SCHIP1: variants seen among roughly 807,000 people sequenced by gnomAD.
SCHIP1 encodes the protein schwannomin interacting protein 1.
Under a neutral mutation model 29.7 loss-of-function variants are expected in SCHIP1, and 8 were observed. The ratio of observed to expected loss-of-function variants is 0.27; its 90% CI spans 0.16 to 0.49. SCHIP1 has a LOEUF of 0.49. SCHIP1 is among the 20% of genes least tolerant of loss of function. SCHIP1 has a pLI of 0.99. For synonymous variants in SCHIP1, 76 were observed against 94.9 expected (o/e 0.80, Z 1.16); for missense variants, 193 against 294.6 (o/e 0.66, Z 2.52).
chr3:159,774,577 T>C, the SCHIP1 span, among the ~76,000 whole-genome samples: 1 of 152,204 alleles, frequency 6.6e-6, no homozygotes, highest in Non-Finnish European at 1.5e-5. Flanking sequence ...TTTCCTACTC[T>C]TGGGGTATAT....
the SCHIP1 span, among the ~76,000 whole-genome samples, chr3:159,513,743 G>A: frequency 6.6e-6 from 1 of 152,198 alleles, no homozygotes; most frequent in Non-Finnish European, 1.5e-5. Flanking sequence ...TGTTTCCACA[G>A]CTGATGCTGA....
chr3:159,374,210 A>T, the SCHIP1 span, among the ~76,000 whole-genome samples: 1 of 152,268 alleles, frequency 6.6e-6, no homozygotes, highest in African/African-American at 2.4e-5. Flanking sequence ...CTTGATTTCC[A>T]GCTTTAAGTA....
the SCHIP1 span, among the ~76,000 whole-genome samples, chr3:159,456,293 G>T: frequency 6.6e-6 from 1 of 150,894 alleles, no homozygotes; most frequent in African/African-American, 2.4e-5. Flanking sequence ...AAGCATTTCT[G>T]TGTCTTTTCT....
chr3:159,802,601 T>C, the SCHIP1 span, among the ~76,000 whole-genome samples: 1 of 152,176 alleles, frequency 6.6e-6, no homozygotes, highest in African/African-American at 2.4e-5. Flanking sequence ...TGTTATACTG[T>C]GGGTGGAATT....
chr3:159,418,226 A>T, the SCHIP1 span, among the ~76,000 whole-genome samples: 1 of 152,212 alleles, frequency 6.6e-6, no homozygotes, highest in Non-Finnish European at 1.5e-5. Flanking sequence ...GCTCTGATTT[A>T]GTTAATTCAT....
the SCHIP1 span, among the ~76,000 whole-genome samples, chr3:159,425,922 T>A: frequency 2.6e-5 from 4 of 152,202 alleles, no homozygotes; most frequent in African/African-American, 9.6e-5. Context: ...GGAAGCTGAA[T>A]AACCTGCTCC....
chr3:159,631,166 TA>T, the SCHIP1 span, among the ~76,000 whole-genome samples: 37 of 144,574 alleles, frequency 2.6e-4, no homozygotes, highest in Admixed American at 9.7e-4. Flanking sequence ...TACTAAAACT[TA>T]AAAAAAAAAA....
chr3:159,472,490 C>T, the SCHIP1 span, among the ~76,000 whole-genome samples: 394 of 152,258 alleles, frequency 2.6e-3, 3 homozygotes, highest in Admixed American at 7.9e-3. Flanking sequence ...ACCTCTTATG[C>T]TATATTGCCT....
chr3:159,802,687 G>T, the SCHIP1 span, among the ~76,000 whole-genome samples: 1 of 152,204 alleles, frequency 6.6e-6, no homozygotes, highest in African/African-American at 2.4e-5. Flanking sequence ...TTTGTAAGTG[G>T]CTTGTCGTGA....
At chr3:159,430,084 G>T in the SCHIP1 span, among the ~76,000 whole-genome samples, 1 of 152,112 alleles carries the variant, frequency 6.6e-6, no homozygotes, top group Non-Finnish European at 1.5e-5. Flanking sequence ...TTTAGAAAAG[G>T]ATGCATAGGT....
At chr3:159,836,863 G>C (rs1560075357), upstream of SCHIP1, among the ~76,000 whole-genome samples, 1 of 152,202 alleles carries the variant, frequency 6.6e-6, no homozygotes. Flanking sequence ...GCTGGTTTCT[G>C]TTTAAAGTTT....
the SCHIP1 span, among the ~76,000 whole-genome samples, chr3:159,391,787 C>T: frequency 6.6e-6 from 1 of 152,188 alleles, no homozygotes; most frequent in African/African-American, 2.4e-5. Flanking sequence ...TCTTAACAAC[C>T]ATTAAAGTCA....
chr3:159,839,930 C>T, exon 1 of SCHIP1: 1 of 1,407,178 alleles, frequency 7.1e-7, no homozygotes. Flanking sequence ...CAGCCCGGTC[C>T]CAGCTCCATG....
At chr3:159,817,333 G>A in the SCHIP1 span, among the ~76,000 whole-genome samples, 2 of 152,106 alleles carry the variant, frequency 1.3e-5, no homozygotes, top group Non-Finnish European at 2.9e-5. Context: ...TGGCGGGGTC[G>A]AGGAGAGGTG....
the SCHIP1 span, among the ~76,000 whole-genome samples, chr3:159,608,311 C>T: frequency 4.6e-5 from 7 of 152,200 alleles, no homozygotes; most frequent in East Asian, 7.7e-4. Flanking sequence ...ATAAGCATAT[C>T]GCTTAATATG....
At chr3:159,489,720 CAT>C in the SCHIP1 span, among the ~76,000 whole-genome samples, 2 of 151,928 alleles carry the variant, frequency 1.3e-5, no homozygotes, top group Non-Finnish European at 2.9e-5. Flanking sequence ...ACAAGACAGA[CAT>C]ATATTTAATT....
At chr3:159,764,953 C>T in the SCHIP1 span, 10 of 1,489,944 alleles carry the variant, frequency 6.7e-6, no homozygotes, top group East Asian at 2.7e-4. This position sits in a 1 kb window ranked among gnomAD's most constrained non-coding sequence, Gnocchi z 6.1. Context: ...TGGGGGCCGG[C>T]GCAGTGGCCG....
the SCHIP1 span, among the ~76,000 whole-genome samples, chr3:159,548,691 T>C: frequency 6.6e-6 from 1 of 152,050 alleles, no homozygotes; most frequent in Non-Finnish European, 1.5e-5. Context: ...ACTAAATATA[T>C]CTAGTTTTTA....
intron 4 of SCHIP1, 30 bp from the exon 6 acceptor site, chr3:159,888,790 T>G: frequency 6.2e-7 from 1 of 1,612,212 alleles, no homozygotes; most frequent in South Asian, 1.1e-5. Flanking sequence ...CTCTGTTCAC[T>G]CCTCCATTTC....
Sources: allele counts gnomAD v4.1 joint callset (sites outside exome capture counted in the v4.1 genomes callset), GRCh38; gene constraint gnomAD v4.1.1; non-coding constraint Gnocchi (gnomAD v3.1); transcripts MANE v1.5; gene names NCBI Gene and HGNC (gene_info 2026-07-23, HGNC 2026-07-21).